Variants in FAM149B1 observed in about 807,000 individuals in gnomAD.
The protein encoded by FAM149B1 is primary cilium assembly protein FAM149B1.
FAM149B1 carries 56 observed loss-of-function variants against 75.3 expected under a neutral mutation model. The ratio of observed to expected loss-of-function variants is 0.74; its 90% confidence interval spans 0.60 to 0.93. The LOEUF (loss-of-function observed/expected upper bound fraction) is 0.93, where lower values mean the gene tolerates loss of function less well. Ranked by LOEUF, FAM149B1 falls within the 40% of genes least tolerant of loss-of-function variation. The probability of loss-of-function intolerance (pLI) is 0.00; values close to 1 mark genes in which losing one functional copy is unlikely to be tolerated. For missense variants in FAM149B1, 639 were observed against 708.4 expected, an observed-to-expected ratio of 0.90 and a Z score of 1.11; for synonymous variants, 259 against 256.1, an observed-to-expected ratio of 1.01 and a Z score of -0.11.
At position 73,197,541 on chromosome 10, in the gene FAM149B1, G is replaced by A. The variant is rs182832669; in HGVS notation, c.542+3948G>A. 1.9e-3 allele frequency among the ~76,000 whole-genome samples: 293 copies of A among 151,964 alleles called. 3 individuals carry two copies. The highest frequency in any genetic ancestry group is 6.6e-3 in the African/African-American group (272 of 41,452). On this transcript the variant is annotated intron_variant, in intron 5 of 13. Coordinates refer to ENST00000242505, the MANE Select transcript of FAM149B1 (RefSeq NM_173348.2). ...TCCTAGCACTCTAGGAGGCTGAGGC[G>A]GGTGGATCACTTAAGGTCAGGAGTT...
chr10:73,214,989 T>TTTG lies in FAM149B1; in HGVS notation c.898+4566_898+4568dup, dbSNP rs552043485. On this transcript the variant is annotated intron_variant, in intron 7 of 13. Coordinates refer to ENST00000242505, the MANE Select transcript of FAM149B1 (RefSeq NM_173348.2). The stretch of plus-strand genomic sequence containing the variant: ...TTGTTGGCTGTGAATCTATCTGGTT[T>TTTG]TTGTTGTTGTTGTTGTTTGTTTTTC... Among the ~76,000 whole-genome samples, 859 of 152,156 alleles carry TTTG rather than the reference T, an allele frequency of 5.6e-3. 12 individuals carry two copies. The highest frequency in any genetic ancestry group is 0.019 in the African/African-American group (785 of 41,524).
At chr10:73,234,745 T>A (rs2043783313) in intron 10 of FAM149B1, 72 bp from the exon 11 acceptor site, 1 of 1,484,852 alleles carries the variant, frequency 6.7e-7, no homozygotes, top group East Asian at 2.5e-5. Context: ...TTTATCTGAT[T>A]TCTAATCAAT....
At chr10:73,206,470 G>A (rs1196505947) in intron 5 of FAM149B1, among the ~76,000 whole-genome samples, 1 of 152,266 alleles carries the variant, frequency 6.6e-6, no homozygotes, top group African/African-American at 2.4e-5. Flanking sequence ...CCACTTGATA[G>A]AGATATTTGC....
chr10:73,190,905 A>G (rs900131931), intron 3 of FAM149B1, among the ~76,000 whole-genome samples: 2 of 151,682 alleles, frequency 1.3e-5, no homozygotes, highest in Non-Finnish European at 2.9e-5. Flanking sequence ...TTTTTTAGAG[A>G]TGGCAGTCTT....
rs533399071 is a variant in FAM149B1 at position 73,193,536 on chromosome 10, C to T, written c.485C>T (p.Pro162Leu). Residue 162 changes from proline to leucine, a missense_variant, in exon 5 of 14, where the codon CCT becomes CTT. Transcript: ENST00000242505. The stretch of plus-strand genomic sequence containing the variant: ...GGTTATAGATTGTATCCTAGATCCC[C>T]TTCTGCTGTTTCCGCTTCATATGAA... ...SEGYRLYPRS[P>L]SAVSASYETT... 4 of 1,550,816 alleles carry T rather than the reference C, an allele frequency of 2.6e-6. No homozygotes were observed. The highest frequency in any genetic ancestry group is 1.7e-6 in the Non-Finnish European group (2 of 1,146,584).
At chr10:73,202,880 G>A (rs972656989) in intron 5 of FAM149B1, among the ~76,000 whole-genome samples, 1 of 152,020 alleles carries the variant, frequency 6.6e-6, no homozygotes, top group Non-Finnish European at 1.5e-5. Context: ...TGTAGAGACA[G>A]GATTTCGCCT....
chr10:73,221,448 T>C (rs1050930229), intron 7 of FAM149B1, among the ~76,000 whole-genome samples: 1 of 152,222 alleles, frequency 6.6e-6, no homozygotes, highest in Non-Finnish European at 1.5e-5. Flanking sequence ...TAGTTTGCCT[T>C]CTAGTACTTT....
rs559130332 is a variant in FAM149B1, at chr10:73,240,508, T to C, written c.1676-438T>C. On this transcript the variant is annotated intron_variant, in intron 13 of 13. Coordinates refer to ENST00000242505, the MANE Select transcript of FAM149B1 (RefSeq NM_173348.2). ...CGGGCGGATCACGAGGTCAGCATAT[T>C]GAGACCATCCTGGCTAACATGGTGA... is the stretch of plus-strand genomic sequence containing the variant. 2.8e-3 allele frequency among the ~76,000 whole-genome samples: 419 copies of C among 152,186 alleles called. 1 individual carries two copies. The highest frequency in any genetic ancestry group is 4.0e-3 in the Admixed American group (61 of 15,294).
Position 73,232,277 on chromosome 10 carries a change from G to A in FAM149B1, c.1128-662G>A, listed in dbSNP as rs938675962. Among the ~76,000 whole-genome samples, 11 of 152,152 alleles carry A rather than the reference G, an allele frequency of 7.2e-5. 1 individual carries two copies. The highest frequency in any genetic ancestry group is 7.2e-4 in the Admixed American group (11 of 15,278). Reference sequence around the variant, plus strand: ...GTATTTAAGCTACTGAACTGTTTAGGTGTGGTATTATTTTATTTATTGGAC... The same window carrying A: ...GTATTTAAGCTACTGAACTGTTTAGATGTGGTATTATTTTATTTATTGGAC... On this transcript the variant is annotated intron_variant, in intron 9 of 13. Transcript: ENST00000242505.
At chr10:73,215,275 C>G (rs2043271600) in intron 7 of FAM149B1, among the ~76,000 whole-genome samples, 1 of 152,162 alleles carries the variant, frequency 6.6e-6, no homozygotes, top group Non-Finnish European at 1.5e-5. Context: ...CCCACCTTGG[C>G]CTCCCTCCCA....
chr10:73,233,438 A>T (rs113078118), intron 10 of FAM149B1, among the ~76,000 whole-genome samples: 2,424 of 152,208 alleles, frequency 0.016, 62 homozygotes, highest in African/African-American at 0.056. Context: ...TTCTGGGCTC[A>T]AGTGGTTCTC....
In FAM149B1 at chr10:73,243,269, A is replaced by G; in HGVS notation, c.*2250A>G. 2.1e-6 allele frequency: 2 copies of G among 964,576 alleles called. No homozygotes were observed. The highest frequency in any genetic ancestry group is 3.1e-6 in the Non-Finnish European group (2 of 641,112). 59.8% of individuals were successfully genotyped at this position (964,576 alleles called of 1,614,324 possible). A position where few individuals can be genotyped will look rare whatever the true frequency, so the allele number is the denominator to read the frequency against. ...TGAGAGATTCTGCTTGGTCTAGTCAATCTGAAAAATTCAGGCTGGAAAGAC... is the reference window on the plus strand; with the variant it reads ...TGAGAGATTCTGCTTGGTCTAGTCAGTCTGAAAAATTCAGGCTGGAAAGAC... On this transcript the variant is annotated 3_prime_UTR_variant, in exon 14 of 14. Coordinates refer to ENST00000242505, the MANE Select transcript of FAM149B1 (RefSeq NM_173348.2).
At chr10:73,235,121 C>A in intron 11 of FAM149B1, 72 bp from the exon 12 acceptor site, 3 of 1,491,598 alleles carry the variant, frequency 2.0e-6, no homozygotes, top group South Asian at 2.5e-5. Flanking sequence ...CTGCCATGGT[C>A]GATAGGGTTT....
chr10:73,234,923 G>A lies in FAM149B1; in HGVS notation c.1459G>A (p.Gly487Arg), dbSNP rs2043788399. 6 of 1,551,964 alleles carry A rather than the reference G, an allele frequency of 3.9e-6. No individual in the cohort carries two copies. Among genetic ancestry groups the A allele is most frequent in the Non-Finnish European group, 5.2e-6 (6 of 1,147,066 alleles). Residue 487 changes from glycine (G) to arginine (R), a missense_variant, in exon 11 of 14, where the codon GGG becomes AGG. Gly to Arg is a moderately radical substitution (Grantham distance 125). Coordinates refer to ENST00000242505, the MANE Select transcript of FAM149B1 (RefSeq NM_173348.2). ...TGAAGTGGAACATGTGAGCACTGTGGGGCCACAAAGACAGATGGTATGTTT... is the reference window on the plus strand; with the variant it reads ...TGAAGTGGAACATGTGAGCACTGTGAGGCCACAAAGACAGATGGTATGTTT... ...TAEVEHVSTV[G>R]PQRQMKPHGD...
Position 73,192,665 on chromosome 10 carries a change from GCC to G in FAM149B1, c.393_394del (p.Cys131Ter), listed in dbSNP as rs1369009826. 2 of 1,549,670 alleles carry G rather than the reference GCC, an allele frequency of 1.3e-6. No homozygotes were observed. Among genetic ancestry groups the G allele is most frequent in the African/African-American group, 2.7e-5 (2 of 73,032 alleles). On this transcript the variant is annotated stop_gained and frameshift_variant, in exon 4 of 14. Coordinates refer to ENST00000242505, the MANE Select transcript of FAM149B1 (RefSeq NM_173348.2). LOFTEE classifies it high-confidence loss of function. Reference sequence around the variant, plus strand: ...CATACCAAGAGTCTACAAGAAGAGTGCCAACAGTGGACAGCTAGCTTTCCTCA... The same window carrying G: ...CATACCAAGAGTCTACAAGAAGAGTGAACAGTGGACAGCTAGCTTTCCTCA...
intron 6 of FAM149B1, among the ~76,000 whole-genome samples, chr10:73,209,898 C>T (rs2043150391): frequency 6.7e-6 from 1 of 148,310 alleles, no homozygotes; most frequent in Admixed American, 6.7e-5. Flanking sequence ...TTTCCCATTG[C>T]ATTTTTTTCC....
At position 73,242,103 on chromosome 10, in the gene FAM149B1, C is replaced by T. The variant is rs1187343457; in HGVS notation, c.*1084C>T. On this transcript the variant is annotated 3_prime_UTR_variant, in exon 14 of 14. Coordinates refer to ENST00000242505, the MANE Select transcript of FAM149B1 (RefSeq NM_173348.2). ...TTTATTATACCAAGGTGTTCTAATGCCATCATATGAAGACAGATGCTTCAA... is the reference window on the plus strand; with the variant it reads ...TTTATTATACCAAGGTGTTCTAATGTCATCATATGAAGACAGATGCTTCAA... The T allele has an allele frequency of 6.6e-6, 1 of 152,042 alleles. No individual in the cohort carries two copies. The highest frequency in any genetic ancestry group is 2.4e-5 in the African/African-American group (1 of 41,382). The allele number at this position is 152,042 out of a possible 1,614,324, so 9.4% of individuals were successfully genotyped here.
rs967836951 is a variant in FAM149B1 at position 73,168,445 on chromosome 10, C to T, written c.47+59C>T. 5.9e-6 allele frequency: 9 copies of T among 1,535,706 alleles called. No individual in the cohort carries two copies. The African/African-American group carries it at 8.4e-5, about 14-fold the overall frequency. On this transcript the variant is annotated intron_variant, in intron 1 of 13. Coordinates refer to ENST00000242505, the MANE Select transcript of FAM149B1 (RefSeq NM_173348.2). Reference sequence around the variant, plus strand: ...GGGCGGCGGGCGCTCTGGGGACCCTCCTTGACCAGTCCTTCGTTCCTTTCC... The same window carrying T: ...GGGCGGCGGGCGCTCTGGGGACCCTTCTTGACCAGTCCTTCGTTCCTTTCC...
intron 3 of FAM149B1, among the ~76,000 whole-genome samples, chr10:73,188,521 C>T (rs897961112): frequency 2.6e-5 from 4 of 151,842 alleles, no homozygotes; most frequent in Non-Finnish European, 5.9e-5. Context: ...AATGAAAGGA[C>T]ACCAGCCTGG....
Sources: allele counts gnomAD v4.1 joint callset (sites outside exome capture counted in the v4.1 genomes callset), GRCh38; gene constraint gnomAD v4.1.1; transcripts MANE v1.5; gene names NCBI Gene and HGNC (gene_info 2026-07-23, HGNC 2026-07-21).